Variants in FIGN observed in about 807,000 individuals in gnomAD.
The protein encoded by FIGN is fidgetin.
In FIGN, 11 loss-of-function variants were observed where a neutral mutation model predicts 51.3. That is an observed-to-expected ratio of 0.21 (90% CI 0.13 to 0.35). The LOEUF is 0.35. Ranked by LOEUF, FIGN falls within the 10% of genes least tolerant of loss-of-function variation. FIGN has a pLI of 1.00. For synonymous variants in FIGN, 407 were observed against 363.2 expected (o/e 1.12, Z -1.37); for missense variants, 857 against 943.6 (o/e 0.91, Z 1.20).
chr2:163,630,272 G>A (rs1683125312), intron 2 of FIGN, among the ~76,000 whole-genome samples: 1 of 151,924 alleles, frequency 6.6e-6, no homozygotes, highest in Admixed American at 6.6e-5. Flanking sequence ...AGCAGAAAGA[G>A]GCACTTCTTT....
chr2:163,631,059 C>T (rs759642358), intron 2 of FIGN, among the ~76,000 whole-genome samples: 3 of 152,060 alleles, frequency 2.0e-5, no homozygotes, highest in Non-Finnish European at 2.9e-5. Flanking sequence ...GAGCTCTTAA[C>T]GGCAGGAGAG....
Position 163,639,621 on chromosome 2 carries a change from C to T in FIGN, c.26-27815G>A, listed in dbSNP as rs546403264. Among the ~76,000 whole-genome samples, 3 of 152,032 alleles carry T rather than the reference C, an allele frequency of 2.0e-5. 1 individual carries two copies. Among genetic ancestry groups the T allele is most frequent in the South Asian group, 4.2e-4 (2 of 4,818 alleles). Reference sequence around the variant, plus strand: ...TTTGGATATACATTTCCAAAAGAGCCGTGAAAATTCCTTTACTCTCTTCAG... The same window carrying T: ...TTTGGATATACATTTCCAAAAGAGCTGTGAAAATTCCTTTACTCTCTTCAG... On this transcript the variant is annotated intron_variant, in intron 2 of 2. Coordinates refer to ENST00000333129, the MANE Select transcript of FIGN (RefSeq NM_018086.4).
At chr2:163,668,023 C>CCCCG (rs1553498975) in intron 2 of FIGN, among the ~76,000 whole-genome samples, 1 of 149,470 alleles carries the variant, frequency 6.7e-6, no homozygotes, top group African/African-American at 2.5e-5. Flanking sequence ...AACCCCCCCC[C>CCCCG]CCAAAAAACC....
rs60160544 is a variant in FIGN, at chr2:163,609,206, G to A, written c.*346C>T. ...AAATAAAGCACCACTCCAGGCACTT[G>A]ACAGCAACTAAATCTCGAGAACAGC... is the stretch of plus-strand genomic sequence containing the variant. On this transcript the variant is annotated 3_prime_UTR_variant, in exon 3 of 3. Transcript: ENST00000333129. 19,087 of 227,992 alleles carry A rather than the reference G, an allele frequency of 0.084. 1,903 individuals carry two copies. Among genetic ancestry groups the A allele is most frequent in the East Asian group, 0.5 (5,170 of 10,388 alleles). The allele number at this position is 227,992 out of a possible 1,614,324, so 14.1% of individuals were successfully genotyped here.
chr2:163,617,704 T>C (rs932750649), intron 2 of FIGN, among the ~76,000 whole-genome samples: 4 of 152,178 alleles, frequency 2.6e-5, no homozygotes, highest in African/African-American at 9.6e-5. Context: ...ATAAGACCAC[T>C]GGCAGCATTG....
chr2:163,625,331 C>G (rs1021333882), intron 2 of FIGN, among the ~76,000 whole-genome samples: 1 of 151,886 alleles, frequency 6.6e-6, no homozygotes, highest in East Asian at 1.9e-4. Context: ...CTGAAAGAAA[C>G]AACTAAAGAA....
intron 2 of FIGN, among the ~76,000 whole-genome samples, chr2:163,691,320 G>T (rs1490932104): frequency 1.3e-5 from 2 of 152,036 alleles, no homozygotes; most frequent in African/African-American, 4.8e-5. Context: ...ATCTTGAAAA[G>T]AAAATAAAGA....
At chr2:163,670,276 A>C (rs1023797464) in intron 2 of FIGN, among the ~76,000 whole-genome samples, 2 of 152,220 alleles carry the variant, frequency 1.3e-5, no homozygotes, top group African/African-American at 2.4e-5. Context: ...TTGAGTTAGA[A>C]TAATAGAGTG....
intron 2 of FIGN, among the ~76,000 whole-genome samples, chr2:163,721,807 T>C (rs902740127): frequency 6.6e-6 from 1 of 152,200 alleles, no homozygotes; most frequent in Non-Finnish European, 1.5e-5. Flanking sequence ...TAGGTTTTCT[T>C]AGTAAAATTG....
At position 163,611,807 on chromosome 2, in the gene FIGN, C is replaced by A; in HGVS notation, c.26-1G>T. On this transcript the variant is annotated splice_acceptor_variant, in intron 2 of 2. Transcript: ENST00000333129. LOFTEE classifies it high-confidence loss of function. ...TCTGGCGTCCACTGCATCTTCAAGC[C>A]TAAGAATTTTGGGGGGAAAAGAGTT... is the stretch of plus-strand genomic sequence containing the variant. 1 of 1,588,726 alleles carries A rather than the reference C, an allele frequency of 6.3e-7. No homozygotes were observed. The highest frequency in any genetic ancestry group is 8.6e-7 in the Non-Finnish European group (1 of 1,160,896).
chr2:163,713,607 A>C (rs1180634493), intron 2 of FIGN, among the ~76,000 whole-genome samples: 1 of 152,164 alleles, frequency 6.6e-6, no homozygotes, highest in Non-Finnish European at 1.5e-5. Flanking sequence ...TTCTAGTTTA[A>C]ATGATGTACC....
At chr2:163,723,146 G>C (rs1030839298) in intron 2 of FIGN, among the ~76,000 whole-genome samples, 7 of 151,900 alleles carry the variant, frequency 4.6e-5, no homozygotes, top group Admixed American at 4.6e-4. Flanking sequence ...AGCCGAGATC[G>C]CGCCACTACA....
intron 2 of FIGN, among the ~76,000 whole-genome samples, chr2:163,615,361 G>A (rs1358305532): frequency 1.3e-5 from 2 of 152,168 alleles, no homozygotes; most frequent in Non-Finnish European, 2.9e-5. Context: ...CAGGAGCTGA[G>A]GAAATCAGTG....
intron 2 of FIGN, among the ~76,000 whole-genome samples, chr2:163,720,737 T>C (rs1399850389): frequency 6.6e-6 from 1 of 152,154 alleles, no homozygotes; most frequent in Non-Finnish European, 1.5e-5. Context: ...GAAAGAGCTT[T>C]CAACACTGTC....
chr2:163,717,234 C>T (rs750843094), intron 2 of FIGN, among the ~76,000 whole-genome samples: 2 of 152,106 alleles, frequency 1.3e-5, no homozygotes, highest in Admixed American at 6.5e-5. Context: ...AGGCATGTTG[C>T]TAAGGTTAAC....
Position 163,606,678 on chromosome 2 carries a change from A to T in FIGN, c.*2874T>A, listed in dbSNP as rs186053326. Reference sequence around the variant, plus strand: ...ATTAAGCTAGTTTATAGAAGAGCTCATAATGCTGCCATGCAGAATCAAAGA... The same window carrying T: ...ATTAAGCTAGTTTATAGAAGAGCTCTTAATGCTGCCATGCAGAATCAAAGA... On this transcript the variant is annotated 3_prime_UTR_variant, in exon 3 of 3. Coordinates refer to ENST00000333129, the MANE Select transcript of FIGN (RefSeq NM_018086.4). The T allele has an allele frequency of 6.6e-6, 1 of 152,332 alleles. No homozygotes were observed. The highest frequency in any genetic ancestry group is 1.9e-4 in the East Asian group (1 of 5,184). 9.4% of individuals were successfully genotyped at this position (152,332 alleles called of 1,614,324 possible).
intron 2 of FIGN, among the ~76,000 whole-genome samples, chr2:163,695,404 C>T (rs1684302161): frequency 6.6e-6 from 1 of 152,186 alleles, no homozygotes; most frequent in African/African-American, 2.4e-5. Flanking sequence ...CTTCCTCTCC[C>T]CACCTTCTCT....
At chr2:163,687,323 G>C (rs967948567) in intron 2 of FIGN, among the ~76,000 whole-genome samples, 1 of 152,188 alleles carries the variant, frequency 6.6e-6, no homozygotes, top group Non-Finnish European at 1.5e-5. Context: ...CAGAGCAGTG[G>C]AGAAGAAATG....
At chr2:163,653,501 T>G (rs142581358) in intron 2 of FIGN, among the ~76,000 whole-genome samples, 1 of 152,116 alleles carries the variant, frequency 6.6e-6, no homozygotes, top group Non-Finnish European at 1.5e-5. Context: ...AATACATTGT[T>G]GTTTCTGTTA....
Sources: gnomAD v4.1 joint callset for allele counts (sites outside exome capture counted in the v4.1 genomes callset) on GRCh38, gnomAD v4.1.1 for gene constraint, MANE v1.5 for transcripts, NCBI Gene and HGNC (gene_info 2026-07-23, HGNC 2026-07-21) for gene names.